PHACTR3: variants seen among roughly 807,000 people sequenced by gnomAD.
PHACTR3 encodes the protein phosphatase and actin regulator 3.
Under a neutral mutation model 66.8 loss-of-function variants are expected in PHACTR3, and 16 were observed. The observed-to-expected ratio is 0.24, with a 90% CI of 0.16 to 0.36. PHACTR3 has a LOEUF of 0.36. Among genes scored for constraint, PHACTR3 ranks in the 10% least tolerant of loss-of-function variants. The pLI, the probability that PHACTR3 is intolerant of heterozygous loss-of-function variation, is 1.00. For synonymous variants in PHACTR3, 323 were observed against 292.1 expected (o/e 1.11, Z -1.08); for missense variants, 647 against 719.9 (o/e 0.90, Z 1.16).
chr20:59,651,619 T>C lies in PHACTR3; in HGVS notation c.118+46487T>C, dbSNP rs550614921. 3.9e-5 allele frequency among the ~76,000 whole-genome samples: 6 copies of C among 152,330 alleles called. No individual in the cohort carries two copies. The East Asian group carries it at 9.6e-4, about 24-fold the overall frequency. On this transcript the variant is annotated intron_variant, in intron 1 of 12. Transcript: ENST00000371015. ...GGCAATGGTATTTGTTTTGCCATTA[T>C]TCATTATAGCAAAGTGTTGGAAACA...
chr20:59,831,135 G>A (rs534738800), intron 8 of PHACTR3, among the ~76,000 whole-genome samples: 16 of 152,324 alleles, frequency 1.1e-4, no homozygotes, highest in African/African-American at 3.8e-4. Context: ...TCGGAACCAG[G>A]AAGTGCCTGT....
chr20:59,611,654 A>G (rs2033849250), intron 1 of PHACTR3, among the ~76,000 whole-genome samples: 1 of 152,002 alleles, frequency 6.6e-6, no homozygotes, highest in Admixed American at 6.5e-5. Flanking sequence ...CCTCCCCTAC[A>G]CTTTCCCACT....
At chr20:59,761,111 A>G (rs931666704) in intron 4 of PHACTR3, among the ~76,000 whole-genome samples, 5 of 152,146 alleles carry the variant, frequency 3.3e-5, no homozygotes, top group Admixed American at 6.5e-5. Flanking sequence ...GTCTAGAACA[A>G]GGACTGTCAA....
At chr20:59,789,338 T>G (rs2041021602) in intron 7 of PHACTR3, among the ~76,000 whole-genome samples, 1 of 152,156 alleles carries the variant, frequency 6.6e-6, no homozygotes, top group South Asian at 2.1e-4. Context: ...CAGTTGGCCA[T>G]AGCCTGGGCT....
At chr20:59,635,829 C>T (rs917099723) in intron 1 of PHACTR3, among the ~76,000 whole-genome samples, 1 of 152,204 alleles carries the variant, frequency 6.6e-6, no homozygotes, top group African/African-American at 2.4e-5. Flanking sequence ...TTAATGGCTG[C>T]AGGGTGCTCG....
intron 1 of PHACTR3, among the ~76,000 whole-genome samples, chr20:59,703,704 AGTGT>A (rs11474250): frequency 2.6e-5 from 4 of 150,972 alleles, no homozygotes; most frequent in African/African-American, 9.7e-5. Context: ...TGTGTGTGTG[AGTGT>A]GTGTGTGTGT....
intron 1 of PHACTR3, among the ~76,000 whole-genome samples, chr20:59,634,788 G>A (rs35631695): frequency 0.2 from 30,768 of 152,208 alleles, 3,181 homozygotes; most frequent in South Asian, 0.26. Flanking sequence ...CATGCCGCCC[G>A]GGATTGCGCC....
At chr20:59,822,566 G>A (rs1304092129) in intron 8 of PHACTR3, among the ~76,000 whole-genome samples, 1 of 151,962 alleles carries the variant, frequency 6.6e-6, no homozygotes, top group Non-Finnish European at 1.5e-5. Context: ...GCTGGTGGGC[G>A]CTGGTGCACC....
At chr20:59,687,488 C>T (rs1204571319) in intron 1 of PHACTR3, among the ~76,000 whole-genome samples, 1 of 152,164 alleles carries the variant, frequency 6.6e-6, no homozygotes, top group Non-Finnish European at 1.5e-5. Flanking sequence ...CAGTTGAATG[C>T]AGCAGACTCA....
At chr20:59,746,173 C>T (rs1383639786) in intron 2 of PHACTR3, among the ~76,000 whole-genome samples, 2 of 152,230 alleles carry the variant, frequency 1.3e-5, no homozygotes, top group African/African-American at 4.8e-5. Context: ...ATGTCCCCAC[C>T]CTGCTGTGTT....
chr20:59,777,053 G>C (rs532315228), intron 7 of PHACTR3, among the ~76,000 whole-genome samples: 1 of 152,148 alleles, frequency 6.6e-6, no homozygotes, highest in Non-Finnish European at 1.5e-5. Context: ...GGGTAGGGTC[G>C]TGCTCCCTGC....
chr20:59,732,236 A>G (rs1445497212), intron 1 of PHACTR3, among the ~76,000 whole-genome samples: 1 of 152,206 alleles, frequency 6.6e-6, no homozygotes, highest in African/African-American at 2.4e-5. Context: ...CACCGGTGTC[A>G]TGCCTAGATG....
intron 8 of PHACTR3, among the ~76,000 whole-genome samples, chr20:59,834,054 GCTTA>G (rs1191719152): frequency 6.6e-6 from 1 of 152,112 alleles, no homozygotes; most frequent in Admixed American, 6.5e-5. Flanking sequence ...CCTCATTGTT[GCTTA>G]CTTATTAGGA....
At chr20:59,814,558 C>T (rs2041833749) in intron 8 of PHACTR3, among the ~76,000 whole-genome samples, 1 of 152,196 alleles carries the variant, frequency 6.6e-6, no homozygotes, top group South Asian at 2.1e-4. Flanking sequence ...GCTGGACTTG[C>T]TGATCTCAGC....
At chr20:59,754,182 C>A (rs996470871) in intron 3 of PHACTR3, among the ~76,000 whole-genome samples, 5 of 152,176 alleles carry the variant, frequency 3.3e-5, no homozygotes, top group African/African-American at 1.2e-4. Flanking sequence ...GGTAACTGAG[C>A]CATTTATTTT....
At chr20:59,698,562 C>A (rs2037384418) in intron 1 of PHACTR3, among the ~76,000 whole-genome samples, 1 of 152,040 alleles carries the variant, frequency 6.6e-6, no homozygotes, top group Non-Finnish European at 1.5e-5. Flanking sequence ...ATTCCTTGTG[C>A]TTTTAGGTTT....
At chr20:59,634,568 G>A (rs997641018) in intron 1 of PHACTR3, among the ~76,000 whole-genome samples, 5 of 152,132 alleles carry the variant, frequency 3.3e-5, no homozygotes, top group Non-Finnish European at 4.4e-5. Context: ...TTTTCACACC[G>A]CAGCAACAGA....
intron 1 of PHACTR3, among the ~76,000 whole-genome samples, chr20:59,583,310 G>A (rs1289813559): frequency 6.6e-6 from 1 of 152,182 alleles, no homozygotes; most frequent in Admixed American, 6.5e-5. Flanking sequence ...TGGTCTGGGG[G>A]TGGGGACAGA....
chr20:59,781,798 G>C (rs894223539), intron 7 of PHACTR3, among the ~76,000 whole-genome samples: 1 of 152,108 alleles, frequency 6.6e-6, no homozygotes, highest in East Asian at 1.9e-4. Context: ...CTAGGAGTAA[G>C]GCCCTAGGAA....
Sources: gnomAD v4.1 joint callset for allele counts (sites outside exome capture counted in the v4.1 genomes callset) on GRCh38, gnomAD v4.1.1 for gene constraint, MANE v1.5 for transcripts, NCBI Gene and HGNC (gene_info 2026-07-23, HGNC 2026-07-21) for gene names.